TENM4: variants seen among roughly 807,000 people sequenced by gnomAD.
The protein encoded by TENM4 is teneurin transmembrane protein 4.
A neutral mutation model predicts 243.3 loss-of-function variants in TENM4; 82 were observed. That is an observed-to-expected ratio of 0.34 (90% CI 0.28 to 0.40). The LOEUF (loss-of-function observed/expected upper bound fraction) is 0.40, where lower values mean the gene tolerates loss of function less well. TENM4 is among the 10% of genes least tolerant of loss of function. The pLI is 1.00. For missense variants in TENM4, 3,138 were observed against 3,673.3 expected (o/e 0.85, Z 3.77); for synonymous variants, 1,412 against 1,456.3 (o/e 0.97, Z 0.69).
chr11:79,205,131 G>C (rs1863823299), intron 3 of TENM4, among the ~76,000 whole-genome samples: 1 of 152,108 alleles, frequency 6.6e-6, no homozygotes, highest in Non-Finnish European at 1.5e-5. Flanking sequence ...AAAGTTACTT[G>C]CAATATCTTT....
rs1459802429 is a variant in TENM4, at chr11:78,664,450, C to T, written c.7409-2859G>A. 2.0e-5 allele frequency among the ~76,000 whole-genome samples: 3 copies of T among 152,034 alleles called. No homozygotes were observed. The East Asian group carries it at 5.8e-4, about 29-fold the overall frequency. ...TGTGTTGCCCAGGCTGGTTTGGAAC[C>T]CCCAGGCTAAGCAATCTGCCTGTCT... On this transcript the variant is annotated intron_variant, in intron 32 of 33. Transcript: ENST00000278550.
In TENM4 at chr11:79,064,794, C is replaced by T; in HGVS notation, c.437G>A (p.Ser146Asn). The change falls in exon 6 of 34, where the codon AGC becomes AAC. Residue 146 changes from serine to asparagine, a missense_variant. Ser to Asn is a conservative substitution (Grantham distance 46). Around this residue, in one of 2 missense-constraint regions of TENM4, gnomAD observed 671 missense variants for 614.1 expected, o/e 1.09. Coordinates refer to ENST00000278550, the MANE Select transcript of TENM4 (RefSeq NM_001098816.3). The part of the protein sequence containing the change: ...TRSGRSSCLS[S>N]RANSNLTLTD... ...GAGTGTGAGATTGGAATTGGCCCGG[C>T]TGGACAGGCAGGAGCTGCGCCCTGA... 6.4e-7 allele frequency: 1 copy of T among 1,551,666 alleles called. No individual in the cohort carries two copies. The highest frequency in any genetic ancestry group is 8.7e-7 in the Non-Finnish European group (1 of 1,146,992).
At chr11:79,224,022 T>G (rs1864211960) in intron 2 of TENM4, among the ~76,000 whole-genome samples, 1 of 152,166 alleles carries the variant, frequency 6.6e-6, no homozygotes, top group Admixed American at 6.5e-5. Flanking sequence ...CCTCCAGAGC[T>G]CTCTTTCAGC....
chr11:79,430,453 C>A (rs1325106950), intron 1 of TENM4, among the ~76,000 whole-genome samples: 1 of 152,156 alleles, frequency 6.6e-6, no homozygotes, highest in Non-Finnish European at 1.5e-5. Flanking sequence ...TGGCAGGGGT[C>A]ATGTTGAGTA....
intron 1 of TENM4, among the ~76,000 whole-genome samples, chr11:79,366,118 G>C (rs1273864241): frequency 6.6e-6 from 1 of 152,116 alleles, no homozygotes; most frequent in Non-Finnish European, 1.5e-5. Flanking sequence ...GCACTCTGTG[G>C]CCATTTTATA....
intron 3 of TENM4, among the ~76,000 whole-genome samples, chr11:79,166,412 G>A (rs1190693457): frequency 6.6e-6 from 1 of 152,168 alleles, no homozygotes; most frequent in Non-Finnish European, 1.5e-5. Flanking sequence ...TACTATGCTT[G>A]GGTAGGGGAT....
At chr11:79,265,975 C>T (rs1855877599) in intron 2 of TENM4, among the ~76,000 whole-genome samples, 1 of 152,162 alleles carries the variant, frequency 6.6e-6, no homozygotes, top group African/African-American at 2.4e-5. Context: ...TCCTTCAAGA[C>T]CCAGATTAAA....
intron 3 of TENM4, among the ~76,000 whole-genome samples, chr11:79,181,467 A>G (rs1474540256): frequency 6.6e-6 from 1 of 152,200 alleles, no homozygotes; most frequent in Non-Finnish European, 1.5e-5. Context: ...CATCTACAAA[A>G]AATCTACTGG....
intron 3 of TENM4, among the ~76,000 whole-genome samples, chr11:79,154,011 G>A (rs867105180): frequency 2.0e-5 from 3 of 152,112 alleles, no homozygotes; most frequent in Non-Finnish European, 2.9e-5. Flanking sequence ...GGTGTGAAAA[G>A]TTTTAAAAAC....
intron 6 of TENM4, among the ~76,000 whole-genome samples, chr11:78,997,817 T>C (rs977977455): frequency 6.6e-6 from 1 of 152,224 alleles, no homozygotes; most frequent in African/African-American, 2.4e-5. Flanking sequence ...GTGATGGCAT[T>C]GGAAGGTAGA....
chr11:79,101,468 C>A (rs183020652), intron 4 of TENM4, among the ~76,000 whole-genome samples: 3 of 152,328 alleles, frequency 2.0e-5, no homozygotes, highest in Admixed American at 6.5e-5. Flanking sequence ...GGCTTTACAG[C>A]CCTTACTTTG....
intron 7 of TENM4, among the ~76,000 whole-genome samples, chr11:78,900,919 A>T (rs546631728): frequency 3.9e-5 from 6 of 152,244 alleles, no homozygotes; most frequent in African/African-American, 1.4e-4. Context: ...TTGTGTATTC[A>T]CTGAATTAAG....
intron 15 of TENM4, among the ~76,000 whole-genome samples, chr11:78,789,647 G>C (rs1021277300): frequency 6.6e-6 from 1 of 152,174 alleles, no homozygotes; most frequent in Non-Finnish European, 1.5e-5. Flanking sequence ...AAAGTAAACA[G>C]CAGAAAGCAT....
At position 78,700,967 on chromosome 11, in the gene TENM4, A is replaced by C. The variant is rs80164690; in HGVS notation, c.5087+559T>G. ...ATTAATGACCCTGAATCAGAAAAAG[A>C]AAGGTTTCATTATGTCTGTGTAGTG... is the stretch of plus-strand genomic sequence containing the variant. On this transcript the variant is annotated intron_variant, in intron 28 of 33. Transcript: ENST00000278550. Among the ~76,000 whole-genome samples, 68 of 152,330 alleles carry C rather than the reference A, an allele frequency of 4.5e-4. 1 individual carries two copies. The highest frequency in any genetic ancestry group is 3.7e-4 in the Non-Finnish European group (25 of 68,036).
intron 6 of TENM4, among the ~76,000 whole-genome samples, chr11:79,018,456 A>ACACACACACACATCCCCC (rs1858835913): frequency 1.3e-5 from 2 of 152,038 alleles, no homozygotes; most frequent in African/African-American, 4.8e-5. Flanking sequence ...ACACATGCAC[A>ACACACACACACATCCCCC]CACACACACA....
chr11:79,402,289 A>G (rs1003695902), intron 1 of TENM4, among the ~76,000 whole-genome samples: 2 of 152,190 alleles, frequency 1.3e-5, no homozygotes, highest in South Asian at 2.1e-4. Context: ...GAGAAATGAC[A>G]ATGACAACAT....
At chr11:78,882,128 A>T (rs78234096) in intron 9 of TENM4, among the ~76,000 whole-genome samples, 17 of 152,316 alleles carry the variant, frequency 1.1e-4, no homozygotes, top group Non-Finnish European at 2.1e-4. Context: ...AAGGAGGGAA[A>T]ATGAGCCTTA....
chr11:78,905,707 G>T (rs1175196906), intron 6 of TENM4, among the ~76,000 whole-genome samples: 1 of 152,220 alleles, frequency 6.6e-6, no homozygotes, highest in Non-Finnish European at 1.5e-5. Context: ...CTGAAGATAT[G>T]CAGTTCTGTA....
intron 4 of TENM4, among the ~76,000 whole-genome samples, chr11:79,091,387 C>G (rs1488647234): frequency 6.6e-6 from 1 of 152,112 alleles, no homozygotes; most frequent in Admixed American, 6.5e-5. Context: ...ATGAGCCAGA[C>G]ACCATTCTAG....
Sources: gnomAD v4.1 joint callset for allele counts (sites outside exome capture counted in the v4.1 genomes callset) on GRCh38, gnomAD v4.1.1 for gene constraint, gnomAD v4.1.1 regional missense constraint, MANE v1.5 for transcripts, NCBI Gene and HGNC (gene_info 2026-07-23, HGNC 2026-07-21) for gene names.